Variants in CNTN5 observed in about 807,000 individuals in gnomAD.
The protein encoded by CNTN5 is contactin-5.
A neutral mutation model predicts 129.1 loss-of-function variants in CNTN5; 77 were observed. The ratio of observed to expected loss-of-function variants is 0.60; its 90% confidence interval spans 0.50 to 0.72. The LOEUF (loss-of-function observed/expected upper bound fraction) is 0.72. Ranked by LOEUF, CNTN5 falls within the 30% of genes least tolerant of loss-of-function variation. CNTN5 has a pLI of 0.00. For synonymous variants in CNTN5, 509 were observed against 465.6 expected, an observed-to-expected ratio of 1.09 and a Z score of -1.20; for missense variants, 1,478 against 1,328.8, an observed-to-expected ratio of 1.11 and a Z score of -1.75.
rs183400937 is a variant in CNTN5 at position 99,285,101 on chromosome 11, T to A, written c.-209-40245T>A. The stretch of plus-strand genomic sequence containing the variant: ...TAAGGAAAATACAAATGTGAATGTG[T>A]GGTTTCCCCTGTCACCCCTAGCCTT... On this transcript the variant is annotated intron_variant, in intron 1 of 24. Transcript: ENST00000524871. Among the ~76,000 whole-genome samples, 410 of 152,244 alleles carry A rather than the reference T, an allele frequency of 2.7e-3. 3 individuals are homozygous for A. The highest frequency in any genetic ancestry group is 1.5e-3 in the Non-Finnish European group (104 of 68,018).
In CNTN5 at chr11:99,751,459, C is replaced by T. The variant is rs139310875; in HGVS notation, c.56-68085C>T. ...GAGAGAAGTATTTAAATGGGAAATA[C>T]AGAAAGTACCAAATTTAAAATTATA... On this transcript the variant is annotated intron_variant, in intron 3 of 24. Transcript: ENST00000524871. Among the ~76,000 whole-genome samples, 308 of 152,246 alleles carry T rather than the reference C, an allele frequency of 2.0e-3. 1 individual carries two copies. Among genetic ancestry groups the T allele is most frequent in the African/African-American group, 7.2e-3 (301 of 41,552 alleles).
At chr11:99,766,845 G>GA (rs968141624) in intron 3 of CNTN5, among the ~76,000 whole-genome samples, 8 of 151,540 alleles carry the variant, frequency 5.3e-5, no homozygotes, top group Non-Finnish European at 7.4e-5. Context: ...ACTTGACTGG[G>GA]AAAAAAAAGA....
At chr11:99,844,758 A>T in intron 4 of CNTN5, 94 bp from the exon 5 acceptor site, 1 of 1,257,018 alleles carries the variant, frequency 8.0e-7, no homozygotes, top group South Asian at 1.5e-5. Flanking sequence ...GAAAAGAGCA[A>T]GAATTTTGAA....
chr11:100,042,039 G>C (rs181878640), intron 9 of CNTN5, among the ~76,000 whole-genome samples: 4 of 152,124 alleles, frequency 2.6e-5, no homozygotes, highest in Admixed American at 6.6e-5. Context: ...TGGAGACTGC[G>C]ACAATGTGGT....
chr11:99,889,529 CT>C (rs59095048), intron 6 of CNTN5, among the ~76,000 whole-genome samples: 4,883 of 128,222 alleles, frequency 0.038, 142 homozygotes, highest in African/African-American at 0.13. Context: ...ACTAGACATT[CT>C]TTTTTTTTTT....
intron 3 of CNTN5, among the ~76,000 whole-genome samples, chr11:99,765,170 G>T (rs1944711079): frequency 6.6e-6 from 1 of 151,950 alleles, no homozygotes; most frequent in African/African-American, 2.4e-5. Context: ...CCTGAGTCCA[G>T]TTTCTCTATT....
intron 3 of CNTN5, among the ~76,000 whole-genome samples, chr11:99,696,165 A>G (rs1311985480): frequency 6.6e-6 from 1 of 152,084 alleles, no homozygotes; most frequent in African/African-American, 2.4e-5. Flanking sequence ...CCTGTATATC[A>G]GCCATAAGCC....
chr11:99,668,528 A>G (rs1289301675), intron 3 of CNTN5, among the ~76,000 whole-genome samples: 1 of 152,188 alleles, frequency 6.6e-6, no homozygotes, highest in African/African-American at 2.4e-5. Flanking sequence ...GAAATGTGGA[A>G]GAAGCTTTGT....
intron 13 of CNTN5, among the ~76,000 whole-genome samples, chr11:100,181,846 C>T (rs1591363856): frequency 6.6e-6 from 1 of 151,868 alleles, no homozygotes; most frequent in Non-Finnish European, 1.5e-5. Context: ...TAAAACATTG[C>T]TTAGAGAAAT....
chr11:99,564,738 G>T (rs529975777), intron 3 of CNTN5, among the ~76,000 whole-genome samples: 2 of 151,806 alleles, frequency 1.3e-5, no homozygotes, highest in South Asian at 4.2e-4. Context: ...TCTTTTTTTG[G>T]AACACATACA....
intron 2 of CNTN5, among the ~76,000 whole-genome samples, chr11:99,347,331 G>T (rs1193008284): frequency 6.6e-6 from 1 of 152,140 alleles, no homozygotes; most frequent in Non-Finnish European, 1.5e-5. Flanking sequence ...ATGACACAGG[G>T]CGTGGGAAGT....
chr11:99,916,274 C>G (rs756353217), intron 7 of CNTN5, 125 bp downstream of exon 7: 11 of 644,162 alleles, frequency 1.7e-5, no homozygotes, highest in Non-Finnish European at 2.2e-5. Flanking sequence ...TGACATCTAT[C>G]AGAGTGCCAG....
intron 3 of CNTN5, among the ~76,000 whole-genome samples, chr11:99,794,591 T>C (rs1174136985): frequency 6.6e-6 from 1 of 152,228 alleles, no homozygotes; most frequent in African/African-American, 2.4e-5. Context: ...TAGCACTCCT[T>C]CAGGATGTTT....
chr11:99,566,462 T>G (rs914921534), intron 3 of CNTN5, among the ~76,000 whole-genome samples: 16 of 152,346 alleles, frequency 1.1e-4, no homozygotes, highest in Non-Finnish European at 8.8e-5. Context: ...CAGGATCACT[T>G]TCATCTCTTT....
At chr11:99,831,663 C>T (rs778196980) in intron 4 of CNTN5, among the ~76,000 whole-genome samples, 1 of 152,080 alleles carries the variant, frequency 6.6e-6, no homozygotes, top group Admixed American at 6.6e-5. Context: ...TGCAGCTTCT[C>T]TGTTCAACCA....
At chr11:99,795,996 A>C (rs1945923939) in intron 3 of CNTN5, among the ~76,000 whole-genome samples, 1 of 152,124 alleles carries the variant, frequency 6.6e-6, no homozygotes, top group African/African-American at 2.4e-5. Flanking sequence ...GTGCATGTGC[A>C]TTAGCTGGGG....
intron 3 of CNTN5, among the ~76,000 whole-genome samples, chr11:99,774,286 C>G (rs1332582524): frequency 6.6e-6 from 1 of 150,774 alleles, no homozygotes; most frequent in Non-Finnish European, 1.5e-5. Flanking sequence ...AAAAAAAAAC[C>G]AAGTAATTTA....
intron 2 of CNTN5, among the ~76,000 whole-genome samples, chr11:99,438,783 G>C (rs1296376446): frequency 6.6e-6 from 1 of 152,038 alleles, no homozygotes; most frequent in African/African-American, 2.4e-5. Context: ...ACATATGTAA[G>C]TTCATAAAAA....
chr11:99,437,637 G>T (rs928185533), intron 2 of CNTN5, among the ~76,000 whole-genome samples: 1 of 152,112 alleles, frequency 6.6e-6, no homozygotes, highest in African/African-American at 2.4e-5. Context: ...AGACCAGCCT[G>T]ACCAATATGA....
Sources: allele counts gnomAD v4.1 joint callset (sites outside exome capture counted in the v4.1 genomes callset), GRCh38; gene constraint gnomAD v4.1.1; transcripts MANE v1.5; gene names NCBI Gene and HGNC (gene_info 2026-07-23, HGNC 2026-07-21).